Variants in MAST3 observed in about 807,000 individuals in gnomAD.
MAST3 encodes the protein microtubule-associated serine/threonine-protein kinase 3.
MAST3 carries 43 observed loss-of-function variants against 127.0 expected under a neutral mutation model. That is an observed-to-expected ratio of 0.34 (90% CI 0.27 to 0.44). The LOEUF (loss-of-function observed/expected upper bound fraction) is 0.44. Ranked by LOEUF, MAST3 falls within the 20% of genes least tolerant of loss-of-function variation. The pLI is 1.00. For synonymous variants in MAST3, 785 were observed against 809.2 expected, an observed-to-expected ratio of 0.97 and a Z score of 0.51; for missense variants, 1,390 against 1,919.1, an observed-to-expected ratio of 0.72 and a Z score of 5.15.
At chr19:18,137,887 T>C (rs1009927759) in intron 19 of MAST3, among the ~76,000 whole-genome samples, 17 of 152,150 alleles carry the variant, frequency 1.1e-4, no homozygotes, top group African/African-American at 3.4e-4. Flanking sequence ...TTCTGTAAAA[T>C]GAGGAACATC....
Position 18,110,133 on chromosome 19 carries a change from G to T in MAST3, c.72-519G>T. 4 of 985,328 alleles carry T rather than the reference G, an allele frequency of 4.1e-6. No homozygotes were observed. The highest frequency in any genetic ancestry group is 4.8e-6 in the Non-Finnish European group (4 of 829,920). The allele number at this position is 985,328 out of a possible 1,614,324, so 61.0% of individuals were successfully genotyped here. A position where few individuals can be genotyped will look rare whatever the true frequency, so the allele number is the denominator to read the frequency against. ...GCGCAGGTGCGGAGCTGCGATCCCCGCCCCGAGGCGGAGCCAGCCCGGCCC... is the reference window on the plus strand; with the variant it reads ...GCGCAGGTGCGGAGCTGCGATCCCCTCCCCGAGGCGGAGCCAGCCCGGCCC... On this transcript the variant is annotated intron_variant, in intron 2 of 27. Transcript: ENST00000687212. This position sits in a 1 kb window ranked among gnomAD's most constrained non-coding sequence, Gnocchi z 4.3.
Position 18,110,669 on chromosome 19 carries a change from A to G in MAST3, c.89A>G (p.Gln30Arg), listed in dbSNP as rs1179122328. ...RRGRGLSPSS[Q>R]SPSLLGPSSP... ...CTTTGCAGTCTGTCTCCGAGCAGCC[A>G]GAGCCCGTCCCTGCTGGGTCCCAGC... is the stretch of plus-strand genomic sequence containing the variant. Residue 30 changes from glutamine (Q) to arginine (R), a missense_variant, in exon 3 of 28, where the codon CAG (glutamine) becomes CGG (arginine). Physicochemically the swap from Gln to Arg is conservative, Grantham distance 43. This residue lies in a region of MAST3 where 61 missense variants were observed against 78.2 expected (regional missense o/e 0.78). Transcript: ENST00000687212. The surrounding 1 kb of genome is among the most constrained non-coding windows in gnomAD (Gnocchi z 4.3). 3 of 985,742 alleles carry G rather than the reference A, an allele frequency of 3.0e-6. No homozygotes were observed. Among genetic ancestry groups the G allele is most frequent in the Non-Finnish European group, 3.6e-6 (3 of 829,968 alleles). 61.1% of individuals were successfully genotyped at this position (985,742 alleles called of 1,614,324 possible).
intron 18 of MAST3, among the ~76,000 whole-genome samples, chr19:18,136,946 C>T (rs1432492843): frequency 3.9e-5 from 6 of 152,100 alleles, no homozygotes; most frequent in African/African-American, 1.4e-4. Context: ...CTCAGCCTCC[C>T]GAGTAGCTGG....
chr19:18,130,782 T>C, intron 14 of MAST3, 80 bp downstream of exon 14: 21 of 1,380,898 alleles, frequency 1.5e-5, no homozygotes, highest in Non-Finnish European at 2.1e-5. Flanking sequence ...TTAGACCAAG[T>C]TGAGGTCTGT....
chr19:18,121,680 C>A lies in MAST3; in HGVS notation c.162-5C>A, dbSNP rs273482. The A allele has an allele frequency of 1.6e-4, 254 of 1,613,262 alleles. No homozygotes were observed. In the African/African-American group the frequency reaches 1.9e-3, roughly 12 times the overall value. On this transcript the variant is annotated splice_polypyrimidine_tract_variant and splice_region_variant and intron_variant, in intron 3 of 27. Coordinates refer to ENST00000687212, the MANE Select transcript of MAST3 (RefSeq NM_001393504.1). Reference sequence around the variant, plus strand: ...CACCTACCCTGTCCCCTTTTCCCCCCACAGCTGCCGCAGCGGGAACCGCAA... The same window carrying A: ...CACCTACCCTGTCCCCTTTTCCCCCAACAGCTGCCGCAGCGGGAACCGCAA...
In MAST3 at chr19:18,110,071, T is replaced by G. The variant is rs1467280518; in HGVS notation, c.72-581T>G. The stretch of plus-strand genomic sequence containing the variant: ...CAGGGCGGCACCCGCGGCTCCCCTT[T>G]CCCGCTGCGCGACCCTCGCTGCCGG... On this transcript the variant is annotated intron_variant, in intron 2 of 27. Coordinates refer to ENST00000687212, the MANE Select transcript of MAST3 (RefSeq NM_001393504.1). This position sits in a 1 kb window ranked among gnomAD's most constrained non-coding sequence, Gnocchi z 4.3. 3.0e-6 allele frequency: 3 copies of G among 985,018 alleles called. No homozygotes were observed. Among genetic ancestry groups the G allele is most frequent in the Non-Finnish European group, 3.6e-6 (3 of 829,840 alleles). The allele number at this position is 985,018 out of a possible 1,614,324, so 61.0% of individuals were successfully genotyped here. A position where few individuals can be genotyped will look rare whatever the true frequency, so the allele number is the denominator to read the frequency against.
intron 3 of MAST3, among the ~76,000 whole-genome samples, chr19:18,115,654 C>T (rs1032004696): frequency 6.6e-6 from 1 of 152,146 alleles, no homozygotes; most frequent in African/African-American, 2.4e-5. Flanking sequence ...AATCCACCCA[C>T]TTTTCTCCAC....
intron 7 of MAST3, 46 bp from the exon 8 acceptor site, chr19:18,123,534 G>A: frequency 1.3e-6 from 2 of 1,488,032 alleles, no homozygotes; most frequent in Non-Finnish European, 1.8e-6. Flanking sequence ...CCTCCCCTGG[G>A]GTTGGTCTCA....
In MAST3 at chr19:18,145,748, G is replaced by A. The variant is rs1385814735; in HGVS notation, c.3045G>A (p.Val1015=). 1 of 1,585,668 alleles carries A rather than the reference G, an allele frequency of 6.3e-7. No homozygotes were observed. The highest frequency in any genetic ancestry group is 2.4e-5 in the East Asian group (1 of 42,452). The change falls in exon 25 of 28, where the codon GTG becomes GTA. Residue 1015 remains valine, a synonymous_variant. Coordinates refer to ENST00000687212, the MANE Select transcript of MAST3 (RefSeq NM_001393504.1). This position sits in a 1 kb window ranked among gnomAD's most constrained non-coding sequence, Gnocchi z 5.9. The part of the protein sequence containing the change: ...VYTVHHVVWS[V]EDGSPAQEAG... Reference sequence around the variant, plus strand: ...CCGTTCTCGTCTGCCCCCAGAGTGTGGAGGACGGAAGCCCCGCCCAGGAGG... The same window carrying A: ...CCGTTCTCGTCTGCCCCCAGAGTGTAGAGGACGGAAGCCCCGCCCAGGAGG...
intron 18 of MAST3, among the ~76,000 whole-genome samples, chr19:18,136,362 G>A (rs1320556395): frequency 6.6e-6 from 1 of 152,170 alleles, no homozygotes; most frequent in Non-Finnish European, 1.5e-5. Context: ...AGGCGGTGTG[G>A]TCCCAGATGG....
chr19:18,123,412 C>CT, intron 7 of MAST3, 38 bp downstream of exon 7: 4 of 1,578,494 alleles, frequency 2.5e-6, no homozygotes. Flanking sequence ...CGGCCCCTCC[C>CT]TGGGCTGGTG....
At chr19:18,133,174 T>C (rs896689286) in intron 15 of MAST3, among the ~76,000 whole-genome samples, 1 of 152,036 alleles carries the variant, frequency 6.6e-6, no homozygotes, top group African/African-American at 2.4e-5. Flanking sequence ...CAGACATGTA[T>C]GTGGCACCTG....
At position 18,130,681 on chromosome 19, in the gene MAST3, A is replaced by G; in HGVS notation, c.1411A>G (p.Met471Val). ...CTTTGAGACCCGGCGCCACCTATGTATGGTCATGGAATACGTGGAAGGTAC... is the reference window on the plus strand; with the variant it reads ...CTTTGAGACCCGGCGCCACCTATGTGTGGTCATGGAATACGTGGAAGGTAC... ...CSFETRRHLCMVMEYVEGGDC... is the reference protein window; with the variant it reads ...CSFETRRHLCVVMEYVEGGDC... The change falls in exon 14 of 28, where the codon ATG becomes GTG. Residue 471 changes from methionine (M) to valine (V), a missense_variant. Met to Val is a conservative substitution (Grantham distance 21, BLOSUM62 1). Coordinates refer to ENST00000687212, the MANE Select transcript of MAST3 (RefSeq NM_001393504.1). The G allele has an allele frequency of 6.2e-7, 1 of 1,613,948 alleles. No homozygotes were observed. Among genetic ancestry groups the G allele is most frequent in the East Asian group, 2.2e-5 (1 of 44,870 alleles).
chr19:18,145,280 C>G lies in MAST3; in HGVS notation c.3039+51C>G, dbSNP rs905265061. ...GACCCGGGTTCTAGTTTGACTCTGC[C>G]CGGTCATGTCCCTTCTCAGAGCTGC... On this transcript the variant is annotated intron_variant, in intron 24 of 27. Coordinates refer to ENST00000687212, the MANE Select transcript of MAST3 (RefSeq NM_001393504.1). This position sits in a 1 kb window ranked among gnomAD's most constrained non-coding sequence, Gnocchi z 5.9. 7 of 1,544,372 alleles carry G rather than the reference C, an allele frequency of 4.5e-6. No homozygotes were observed. Among genetic ancestry groups the G allele is most frequent in the Admixed American group, 3.4e-5 (2 of 59,598 alleles).
chr19:18,124,006 C>A lies in MAST3; in HGVS notation c.701C>A (p.Ala234Glu), dbSNP rs1318661966. The change falls in exon 9 of 28, where the codon GCG becomes GAG. Residue 234 changes from alanine to glutamate, a missense_variant. Physicochemically the swap from Ala to Glu is moderately radical, Grantham distance 107 (BLOSUM62 -1). Transcript: ENST00000687212. ...GCCTACGCGCCCGGCGCCCGGCTGG[C>A]GCTGGCTGATGGCGTCTTGGGCTTC... The part of the protein sequence containing the change: ...LTAYAPGARL[A>E]LADGVLGFIH... 5 of 1,595,966 alleles carry A rather than the reference C, an allele frequency of 3.1e-6. No homozygotes were observed. Among genetic ancestry groups the A allele is most frequent in the Non-Finnish European group, 1.7e-6 (2 of 1,172,320 alleles).
At position 18,121,936 on chromosome 19, in the gene MAST3, G is replaced by T; in HGVS notation, c.320+14G>T. 1 of 1,613,964 alleles carries T rather than the reference G, an allele frequency of 6.2e-7. No individual in the cohort carries two copies. On this transcript the variant is annotated intron_variant, in intron 5 of 27. Coordinates refer to ENST00000687212, the MANE Select transcript of MAST3 (RefSeq NM_001393504.1). ...CTTTGCCCGGAGGTGAGTGATTGCC[G>T]GCTTTGGGAGACAGTGCGGGCACCA...
rs2147510927 is a variant in MAST3, at chr19:18,135,819, C to T, written c.1950C>T (p.Ser650=). ...TCATCACCAGGTTGCTCCGGCAGAG[C>T]CCGCTGGACCGTCTGGGCACTGGTA... The part of the protein sequence containing the change: ...QDLITRLLRQ[S]PLDRLGTGGT... The change falls in exon 18 of 28, where the codon AGC becomes AGT. Residue 650 remains serine, a synonymous_variant. Transcript: ENST00000687212. 1 of 1,608,656 alleles carries T rather than the reference C, an allele frequency of 6.2e-7. No homozygotes were observed. The highest frequency in any genetic ancestry group is 2.2e-5 in the East Asian group (1 of 44,692).
At chr19:18,131,256 A>G (rs1568584149) in intron 14 of MAST3, among the ~76,000 whole-genome samples, 1 of 152,072 alleles carries the variant, frequency 6.6e-6, no homozygotes, top group South Asian at 2.1e-4. Context: ...ATTCACGCCT[A>G]TAGTCCCAGC....
intron 1 of MAST3, among the ~76,000 whole-genome samples, chr19:18,100,128 C>CTCCCTCTCTTTTTTTTTTTTTTTT (rs776661078): frequency 8.2e-6 from 1 of 121,720 alleles, no homozygotes; most frequent in African/African-American, 2.8e-5. Flanking sequence ...CTCTCTCTCT[C>CTCCCTCTCTTTTTTTTTTTTTTTT]TTTTTTTTTT....
Sources: allele counts gnomAD v4.1 joint callset (sites outside exome capture counted in the v4.1 genomes callset), GRCh38; gene constraint gnomAD v4.1.1; regional missense constraint gnomAD v4.1.1; non-coding constraint Gnocchi (gnomAD v3.1); transcripts MANE v1.5; gene names NCBI Gene and HGNC (gene_info 2026-07-23, HGNC 2026-07-21).